Variants in LSAMP observed in about 807,000 individuals in gnomAD.
LSAMP encodes limbic system-associated membrane protein.
In LSAMP, 7 loss-of-function variants were observed where a neutral mutation model predicts 38.6. That is an observed-to-expected ratio of 0.18 (90% CI 0.10 to 0.34). The LOEUF is 0.34. Among genes scored for constraint, LSAMP ranks in the 10% least tolerant of loss-of-function variants. LSAMP has a pLI of 1.00. For missense variants in LSAMP, 313 were observed against 420.0 expected (o/e 0.75, Z 2.23); for synonymous variants, 154 against 166.8 (o/e 0.92, Z 0.59).
intron 1 of LSAMP, among the ~76,000 whole-genome samples, chr3:116,322,668 G>T (rs1161342423): frequency 6.6e-6 from 1 of 152,160 alleles, no homozygotes; most frequent in Non-Finnish European, 1.5e-5. Context: ...AACTTTAAAA[G>T]ACTTGCTGTA....
At chr3:116,337,378 T>C (rs1026798450) in intron 1 of LSAMP, among the ~76,000 whole-genome samples, 9 of 152,024 alleles carry the variant, frequency 5.9e-5, no homozygotes, top group Non-Finnish European at 1.3e-4. Flanking sequence ...ATTTGATATC[T>C]GTTCGAACCC....
chr3:116,079,424 C>A (rs567373775), intron 2 of LSAMP, among the ~76,000 whole-genome samples: 3 of 151,986 alleles, frequency 2.0e-5, no homozygotes, highest in Non-Finnish European at 4.4e-5. Context: ...AATGGGAGGC[C>A]GAGGCAGGCA....
chr3:116,422,200 T>G (rs930054161), intron 1 of LSAMP, among the ~76,000 whole-genome samples: 1 of 152,244 alleles, frequency 6.6e-6, no homozygotes, highest in African/African-American at 2.4e-5. Flanking sequence ...AGTGTATGAT[T>G]CTATTTATAT....
rs147809700 is a variant in LSAMP, at chr3:116,103,849, G to A, written c.156-17293C>T. Among the ~76,000 whole-genome samples, 32 of 152,000 alleles carry A rather than the reference G, an allele frequency of 2.1e-4. No individual in the cohort carries two copies. The South Asian group carries it at 2.3e-3, about 11-fold the overall frequency. On this transcript the variant is annotated intron_variant, in intron 1 of 6. Coordinates refer to ENST00000490035, the MANE Select transcript of LSAMP (RefSeq NM_002338.5). Reference sequence around the variant, plus strand: ...TGATTTGAGTGCACAAAAATCCTACGGGTATTCAATAAAAAATTCTGTAAC... The same window carrying A: ...TGATTTGAGTGCACAAAAATCCTACAGGTATTCAATAAAAAATTCTGTAAC...
intron 1 of LSAMP, among the ~76,000 whole-genome samples, chr3:116,150,442 TA>T (rs1311010677): frequency 1.3e-5 from 2 of 152,052 alleles, no homozygotes; most frequent in East Asian, 3.9e-4. Flanking sequence ...AGTTTCAGAA[TA>T]GGGGGTTATG....
intron 1 of LSAMP, among the ~76,000 whole-genome samples, chr3:116,274,521 A>G (rs965603967): frequency 6.6e-6 from 1 of 152,178 alleles, no homozygotes; most frequent in Non-Finnish European, 1.5e-5. Context: ...TCCTCAAACC[A>G]TGTGCTATAA....
intron 2 of LSAMP, among the ~76,000 whole-genome samples, chr3:116,061,647 T>C (rs1941596678): frequency 6.6e-6 from 1 of 152,240 alleles, no homozygotes; most frequent in African/African-American, 2.4e-5. Flanking sequence ...TCCATAGCAC[T>C]ATCACCTATC....
At chr3:115,852,453 C>T (rs781252468) in intron 4 of LSAMP, 30 bp downstream of exon 4, 7 of 1,588,448 alleles carry the variant, frequency 4.4e-6, no homozygotes, top group Non-Finnish European at 2.6e-6. Context: ...CCCTGGGCAC[C>T]TAGCACCTGC....
intron 1 of LSAMP, among the ~76,000 whole-genome samples, chr3:116,187,414 A>G (rs1413827667): frequency 1.3e-5 from 2 of 152,200 alleles, no homozygotes; most frequent in African/African-American, 2.4e-5. Context: ...GCTATCTCAA[A>G]GAACCAGAGA....
chr3:116,061,509 T>C (rs771165760), intron 2 of LSAMP, among the ~76,000 whole-genome samples: 5 of 152,152 alleles, frequency 3.3e-5, no homozygotes, highest in Non-Finnish European at 5.9e-5. Context: ...GTGTTCATCT[T>C]CACTTCCTTC....
At chr3:116,302,177 G>A (rs1156300662) in intron 1 of LSAMP, among the ~76,000 whole-genome samples, 1 of 152,178 alleles carries the variant, frequency 6.6e-6, no homozygotes, top group African/African-American at 2.4e-5. Flanking sequence ...ATCACCAGTG[G>A]CATTCTAAAT....
chr3:116,279,387 CT>C (rs1244987031), intron 1 of LSAMP, among the ~76,000 whole-genome samples: 2 of 152,184 alleles, frequency 1.3e-5, no homozygotes, highest in Non-Finnish European at 2.9e-5. Flanking sequence ...TGGCTACTAG[CT>C]TTCTTGGCTG....
intron 6 of LSAMP, among the ~76,000 whole-genome samples, chr3:115,838,620 G>A (rs1242567151): frequency 6.6e-6 from 1 of 152,240 alleles, no homozygotes; most frequent in Non-Finnish European, 1.5e-5. Flanking sequence ...TATACCGACT[G>A]AGGTAGTGTG....
intron 1 of LSAMP, among the ~76,000 whole-genome samples, chr3:116,297,049 G>A (rs2047346131): frequency 6.6e-6 from 1 of 152,146 alleles, no homozygotes. Context: ...AAAGAAATAT[G>A]TCAGGATTCT....
At chr3:116,390,571 G>A (rs2048679404) in intron 1 of LSAMP, among the ~76,000 whole-genome samples, 1 of 151,868 alleles carries the variant, frequency 6.6e-6, no homozygotes, top group Non-Finnish European at 1.5e-5. Flanking sequence ...GGAAGAAAAG[G>A]CAAGGACCAT....
intron 3 of LSAMP, among the ~76,000 whole-genome samples, chr3:115,865,783 A>C (rs536673201): frequency 6.6e-6 from 1 of 152,304 alleles, no homozygotes; most frequent in Admixed American, 6.5e-5. Flanking sequence ...CTAGTTTGGC[A>C]TTCAGAAACA....
chr3:116,216,671 G>A lies in LSAMP; in HGVS notation c.156-130115C>T, dbSNP rs866412586. Among the ~76,000 whole-genome samples the A allele has an allele frequency of 5.3e-5, 8 of 152,040 alleles. No homozygotes were observed. The South Asian group carries it at 6.2e-4, about 12-fold the overall frequency. ...TAGCAGGCACAGTAATGAATTAGAT[G>A]TGAATAGTGAAAAAAAATCAACATC... On this transcript the variant is annotated intron_variant, in intron 1 of 6. Coordinates refer to ENST00000490035, the MANE Select transcript of LSAMP (RefSeq NM_002338.5).
At chr3:115,961,615 G>GA (rs2107595284) in intron 3 of LSAMP, among the ~76,000 whole-genome samples, 1 of 152,274 alleles carries the variant, frequency 6.6e-6, no homozygotes, top group East Asian at 1.9e-4. Flanking sequence ...TAACTAAACT[G>GA]AAAAACAGTT....
At chr3:116,291,621 G>GA (rs370513652) in intron 1 of LSAMP, among the ~76,000 whole-genome samples, 12 of 152,282 alleles carry the variant, frequency 7.9e-5, no homozygotes, top group African/African-American at 2.4e-4. Flanking sequence ...AGGGGGTAGG[G>GA]ATCTATCTAA....
Sources: gnomAD v4.1 joint callset for allele counts (sites outside exome capture counted in the v4.1 genomes callset) on GRCh38, gnomAD v4.1.1 for gene constraint, MANE v1.5 for transcripts, NCBI Gene and HGNC (gene_info 2026-07-23, HGNC 2026-07-21) for gene names.